The following LLGL2 variants were observed in gnomAD, a reference collection of about 807,000 sequenced individuals.
LLGL2 encodes LLGL scribble cell polarity complex component 2, also known as LLGL2, scribble cell polarity complex component.
LLGL2 carries 81 observed loss-of-function variants against 123.2 expected under a neutral mutation model. The ratio of observed to expected loss-of-function variants is 0.66; its 90% CI spans 0.55 to 0.79. The LOEUF (loss-of-function observed/expected upper bound fraction) is 0.79. Among genes scored for constraint, LLGL2 ranks in the 30% least tolerant of loss-of-function variants. The pLI, the probability that LLGL2 is intolerant of heterozygous loss-of-function variation, is 0.00. For missense variants in LLGL2, 1,273 were observed against 1,414.6 expected (o/e 0.90, Z 1.61); for synonymous variants, 577 against 594.1 (o/e 0.97, Z 0.42).
intron 1 of LLGL2, among the ~76,000 whole-genome samples, chr17:75,539,499 C>T (rs2054129064): frequency 6.6e-6 from 1 of 151,990 alleles, no homozygotes; most frequent in South Asian, 2.1e-4. Flanking sequence ...CCACCTTGGC[C>T]TCCCAAAGTG....
intron 21 of LLGL2, 51 bp downstream of exon 21, chr17:75,573,682 C>T (rs1465341915): frequency 1.1e-5 from 16 of 1,491,160 alleles, no homozygotes; most frequent in Non-Finnish European, 1.4e-5. Flanking sequence ...CCTCCCTGCC[C>T]TCTCTGAGAT....
intron 14 of LLGL2, 103 bp from the exon 15 acceptor site, chr17:75,569,860 T>C: frequency 7.7e-7 from 1 of 1,300,158 alleles, no homozygotes. Context: ...TTGTCCTTCC[T>C]TGAGCCTTGG....
Position 75,564,788 on chromosome 17 carries a change from T to G in LLGL2, c.1036+281T>G. On this transcript the variant is annotated intron_variant, in intron 10 of 25. Transcript: ENST00000392550. The surrounding 1 kb of genome is among the most constrained non-coding windows in gnomAD (Gnocchi z 4.9). The stretch of plus-strand genomic sequence containing the variant: ...CTGAGGTGGGAGGATCACTTGAGCC[T>G]GGGAGGTGGAGGTTGCAGCGAACCA... 3.0e-6 allele frequency: 1 copy of G among 338,570 alleles called. No homozygotes were observed. 21.0% of individuals were successfully genotyped at this position (338,570 alleles called of 1,614,324 possible). A position where few individuals can be genotyped will look rare whatever the true frequency, so the allele number is the denominator to read the frequency against.
rs189040458 is a variant in LLGL2 at position 75,556,039 on chromosome 17, G to T, written c.76-7G>T. On this transcript the variant is annotated splice_region_variant and splice_polypyrimidine_tract_variant and intron_variant, in intron 2 of 25. Coordinates refer to ENST00000392550, the MANE Select transcript of LLGL2 (RefSeq NM_001031803.2). The stretch of plus-strand genomic sequence containing the variant: ...TGCAGGCCCACCCCACGTGCTTCTC[G>T]TTGCAGACGGTGGAGCATGGCTTCC... 160 of 1,607,312 alleles carry T rather than the reference G, an allele frequency of 1.0e-4. 1 individual carries two copies. The South Asian group carries it at 1.7e-3, about 17-fold the overall frequency.
At chr17:75,548,321 G>A (rs564931216) in intron 2 of LLGL2, among the ~76,000 whole-genome samples, 12 of 146,974 alleles carry the variant, frequency 8.2e-5, no homozygotes, top group Non-Finnish European at 1.3e-4. Context: ...CTTGTTGCCC[G>A]GGCTGGAGTG....
chr17:75,568,070 C>T lies in LLGL2; in HGVS notation c.1037-406C>T, dbSNP rs1428501005. ...GCAGTAAAGAAAATGCCACCCCTAG[C>T]AACTGGTGTGCTGAAGACCACGCGT... On this transcript the variant is annotated intron_variant, in intron 10 of 25. Coordinates refer to ENST00000392550, the MANE Select transcript of LLGL2 (RefSeq NM_001031803.2). The T allele has an allele frequency of 5.6e-6, 6 of 1,079,316 alleles. No homozygotes were observed. In the African/African-American group the frequency reaches 8.3e-5, roughly 15 times the overall value. 66.9% of individuals were successfully genotyped at this position (1,079,316 alleles called of 1,614,324 possible). A position where few individuals can be genotyped will look rare whatever the true frequency, so the allele number is the denominator to read the frequency against.
Position 75,574,605 on chromosome 17 carries a change from TGCAGGAGC to T in LLGL2, c.2997-3_3001del, listed in dbSNP as rs2055889404. ...GCCATGACTCCCCTGTCTTTGCCTG[TGCAGGAGC>T]GGCAACTGGCGTTCACATCGAGCCG... On this transcript the variant is annotated splice_acceptor_variant and splice_polypyrimidine_tract_variant and coding_sequence_variant and intron_variant, in exon 25 of 26. Transcript: ENST00000392550. LOFTEE classifies it high-confidence loss of function. 1 of 1,612,150 alleles carries T rather than the reference TGCAGGAGC, an allele frequency of 6.2e-7. No individual in the cohort carries two copies. Among genetic ancestry groups the T allele is most frequent in the African/African-American group, 1.3e-5 (1 of 74,910 alleles).
intron 2 of LLGL2, among the ~76,000 whole-genome samples, chr17:75,555,290 CTTTTT>C (rs79727188): frequency 6.6e-5 from 9 of 136,360 alleles, no homozygotes; most frequent in Non-Finnish European, 7.9e-5. Flanking sequence ...AATTTTTGTT[CTTTTT>C]TTTTTTTTTT....
intron 1 of LLGL2, among the ~76,000 whole-genome samples, chr17:75,534,204 C>T (rs948591996): frequency 2.0e-5 from 3 of 152,272 alleles, no homozygotes; most frequent in Non-Finnish European, 2.9e-5. Context: ...CTAAGGCCCC[C>T]AGAATGGGGG....
intron 6 of LLGL2, among the ~76,000 whole-genome samples, chr17:75,560,872 C>T (rs543612024): frequency 8.7e-5 from 13 of 148,902 alleles, no homozygotes; most frequent in African/African-American, 3.2e-4. Context: ...CTTACTCTGT[C>T]CCAGGCCGAA....
rs565197192 is a variant in LLGL2 at position 75,574,493 on chromosome 17, C to A, written c.2994C>A (p.Arg998=). The A allele has an allele frequency of 3.2e-6, 5 of 1,558,830 alleles. No homozygotes were observed. The highest frequency in any genetic ancestry group is 1.2e-5 in the South Asian group (1 of 85,028). The part of the protein sequence containing the change: ...KEIQSTLEGD[R]GSGNWRSHRA... Reference sequence around the variant, plus strand: ...TCCAGAGCACACTGGAGGGAGACCGCGGGTGAGGCACCGCCCAGGCCAGCT... The same window carrying A: ...TCCAGAGCACACTGGAGGGAGACCGAGGGTGAGGCACCGCCCAGGCCAGCT... Residue 998 remains arginine, a splice_region_variant and synonymous_variant, in exon 24 of 26, where the codon CGC becomes CGA. Transcript: ENST00000392550.
In LLGL2 at chr17:75,570,298, G is replaced by A. The variant is rs181177138; in HGVS notation, c.1874+43G>A. On this transcript the variant is annotated intron_variant, in intron 15 of 25. Coordinates refer to ENST00000392550, the MANE Select transcript of LLGL2 (RefSeq NM_001031803.2). ...GGTCCCGGGGCTGGGAGTGGGGCCC[G>A]CGAGGACTCCCAGGACCTAGCAGCA... is the stretch of plus-strand genomic sequence containing the variant. 2.3e-3 allele frequency: 3,730 copies of A among 1,600,236 alleles called. 20 individuals are homozygous for A. The highest frequency in any genetic ancestry group is 4.7e-3 in the South Asian group (423 of 89,808).
chr17:75,534,786 C>T (rs925416209), intron 1 of LLGL2, among the ~76,000 whole-genome samples: 1 of 152,222 alleles, frequency 6.6e-6, no homozygotes, highest in African/African-American at 2.4e-5. Context: ...TGGCAAAGGA[C>T]TTGGACTCTT....
Position 75,558,613 on chromosome 17 carries a change from G to A in LLGL2, c.357G>A (p.Leu119=). 1 of 1,605,612 alleles carries A rather than the reference G, an allele frequency of 6.2e-7. No individual in the cohort carries two copies. Among genetic ancestry groups the A allele is most frequent in the Non-Finnish European group, 8.5e-7 (1 of 1,176,402 alleles). ...TGCAGGAGGATGAGAGCTTCACACT[G>A]CGTGGACCCCCAGGGTAAGGGCTCA... The part of the protein sequence containing the change: ...SELQEDESFT[L]RGPPGAAPSA... The change falls in exon 5 of 26, where the codon CTG becomes CTA. Residue 119 remains leucine (L), a synonymous_variant. Coordinates refer to ENST00000392550, the MANE Select transcript of LLGL2 (RefSeq NM_001031803.2). The surrounding 1 kb of genome is among the most constrained non-coding windows in gnomAD (Gnocchi z 4.0).
At position 75,563,565 on chromosome 17, in the gene LLGL2, A is replaced by C. The variant is rs185889958; in HGVS notation, c.826+102A>C. 1.7e-4 allele frequency: 261 copies of C among 1,548,560 alleles called. No homozygotes were observed. The African/African-American group carries it at 3.3e-3, about 19-fold the overall frequency. On this transcript the variant is annotated intron_variant, in intron 8 of 25. Transcript: ENST00000392550. ...CAAACTCCAGGGCCAGAGAGGGTAAAGGCTTTGTCCAAAGCCACACAGCAG... is the reference window on the plus strand; with the variant it reads ...CAAACTCCAGGGCCAGAGAGGGTAACGGCTTTGTCCAAAGCCACACAGCAG...
intron 19 of LLGL2, 49 bp downstream of exon 19, chr17:75,572,113 A>C: frequency 6.4e-7 from 1 of 1,572,688 alleles, no homozygotes; most frequent in Middle Eastern, 1.8e-4. Flanking sequence ...CGGGACATCC[A>C]GGAGGCTCGG....
At chr17:75,526,150 G>A (rs548269955) in intron 1 of LLGL2, among the ~76,000 whole-genome samples, 4 of 152,112 alleles carry the variant, frequency 2.6e-5, no homozygotes, top group Admixed American at 2.6e-4. Context: ...GGGCAGAGAC[G>A]GAGTCCCCGG....
chr17:75,525,775 G>A lies in LLGL2; in HGVS notation c.-81G>A, dbSNP rs1024630084. 4 of 129,624 alleles carry A rather than the reference G, an allele frequency of 3.1e-5. No homozygotes were observed. Among genetic ancestry groups the A allele is most frequent in the Non-Finnish European group, 7.3e-5 (4 of 54,618 alleles). The allele number at this position is 129,624 out of a possible 1,614,324, so 8.0% of individuals were successfully genotyped here. ...CGGCGGAGCGAGCGGGGCCGGCGGC[G>A]GGCGCCGAGGGACGCCGAGGCCTCG... On this transcript the variant is annotated 5_prime_UTR_variant, in exon 1 of 26. Coordinates refer to ENST00000392550, the MANE Select transcript of LLGL2 (RefSeq NM_001031803.2). This position sits in a 1 kb window ranked among gnomAD's most constrained non-coding sequence, Gnocchi z 4.8.
chr17:75,551,425 C>T (rs544606786), intron 2 of LLGL2, among the ~76,000 whole-genome samples: 5 of 132,774 alleles, frequency 3.8e-5, no homozygotes, highest in Non-Finnish European at 7.7e-5. Context: ...GGAAGGGATA[C>T]AAAGCTTAGT....
Sources: gnomAD v4.1 joint callset for allele counts (sites outside exome capture counted in the v4.1 genomes callset) on GRCh38, gnomAD v4.1.1 for gene constraint, Gnocchi (gnomAD v3.1) non-coding constraint, MANE v1.5 for transcripts, NCBI Gene and HGNC (gene_info 2026-07-23, HGNC 2026-07-21) for gene names.